The following ELAC2 variants were observed in gnomAD, a reference collection of about 807,000 sequenced individuals.
The protein encoded by ELAC2 is zinc phosphodiesterase ELAC protein 2.
In ELAC2, 92 loss-of-function variants were observed where a neutral mutation model predicts 105.2. The observed-to-expected ratio is 0.87, with a 90% confidence interval of 0.74 to 1.04. The LOEUF is 1.04. Ranked by LOEUF, ELAC2 falls within the 50% of genes least tolerant of loss-of-function variation. The pLI, the probability that ELAC2 is intolerant of heterozygous loss-of-function variation, is 0.00. For synonymous variants in ELAC2, 468 were observed against 409.1 expected, an observed-to-expected ratio of 1.14 and a Z score of -1.74; for missense variants, 1,099 against 1,071.7, an observed-to-expected ratio of 1.03 and a Z score of -0.36.
chr17:13,015,607 T>G (rs754759455), intron 4 of ELAC2, among the ~76,000 whole-genome samples, 161 bp downstream of exon 4: 2 of 152,240 alleles, frequency 1.3e-5, no homozygotes, highest in African/African-American at 4.8e-5. Flanking sequence ...CAAGGTCACA[T>G]AGTTAATCAG....
chr17:12,998,654 G>T, intron 15 of ELAC2, 146 bp from the exon 16 acceptor site: 1 of 789,614 alleles, frequency 1.3e-6, no homozygotes, highest in Middle Eastern at 3.4e-4. Flanking sequence ...GGCGGTTTTG[G>T]GAGGCGGGGC....
Position 13,002,425 on chromosome 17 carries a change from C to CG in ELAC2, c.1218+15dup. ...GACGAGAGCTGGGCCGACAAGGGGC[C>CG]GGTCTGAGACACTACCTTACAGCGG... On this transcript the variant is annotated intron_variant, in intron 13 of 23. Transcript: ENST00000338034. 1 of 1,613,660 alleles carries CG rather than the reference C, an allele frequency of 6.2e-7. No individual in the cohort carries two copies. Among genetic ancestry groups the CG allele is most frequent in the Non-Finnish European group, 8.5e-7 (1 of 1,179,822 alleles).
In ELAC2 at chr17:13,000,285, A is replaced by G; in HGVS notation, c.1305-11T>C. 1.9e-6 allele frequency: 3 copies of G among 1,612,138 alleles called. No homozygotes were observed. The highest frequency in any genetic ancestry group is 1.3e-5 in the African/African-American group (1 of 74,998). ...GTAATAATGGCATCCCTGCAGGAAGAGAGAGAAGCATCTCAGGTGACGGAC... is the reference window on the plus strand; with the variant it reads ...GTAATAATGGCATCCCTGCAGGAAGGGAGAGAAGCATCTCAGGTGACGGAC... On this transcript the variant is annotated splice_polypyrimidine_tract_variant and intron_variant, in intron 14 of 23. Transcript: ENST00000338034.
At chr17:13,000,318 A>G (rs2040717589) in intron 14 of ELAC2, 44 bp from the exon 15 acceptor site, 4 of 1,568,444 alleles carry the variant, frequency 2.6e-6, no homozygotes, top group Non-Finnish European at 3.5e-6. Context: ...GACAGGGTAT[A>G]TGGCCTCAGC....
intron 17 of ELAC2, chr17:12,996,330 G>T: frequency 1.4e-6 from 1 of 714,384 alleles, no homozygotes. Context: ...ACTCAAACCT[G>T]TCCTGCTGCA....
At position 13,002,371 on chromosome 17, in the gene ELAC2, A is replaced by G. The variant is rs777405342; in HGVS notation, c.1219-12T>C. 9.9e-6 allele frequency: 16 copies of G among 1,614,086 alleles called. No individual in the cohort carries two copies. The highest frequency in any genetic ancestry group is 1.3e-5 in the African/African-American group (1 of 74,912). The stretch of plus-strand genomic sequence containing the variant: ...GTGGGGCCCTCCTTCTGAAAGAGAC[A>G]AAACACATTCATGGAGAGAAAGAGA... On this transcript the variant is annotated splice_polypyrimidine_tract_variant and intron_variant, in intron 13 of 23. Transcript: ENST00000338034.
In ELAC2 at chr17:13,002,484, A is replaced by T; in HGVS notation, c.1175T>A (p.Ile392Asn). 1 of 1,608,592 alleles carries T rather than the reference A, an allele frequency of 6.2e-7. No homozygotes were observed. The highest frequency in any genetic ancestry group is 8.5e-7 in the Non-Finnish European group (1 of 1,177,168). The change falls in exon 13 of 24, where the codon ATC becomes AAC. Residue 392 changes from isoleucine (I) to asparagine (N), a missense_variant. Coordinates refer to ENST00000338034, the MANE Select transcript of ELAC2 (RefSeq NM_018127.7). ...GAGCAGGGGGAAGATGTCCGGGTGG[A>T]TGAGGTTGAGCTGGGTTTGAATCTT... ...SHKIQTQLNLIHPDIFPLLTS... is the reference protein window; with the variant it reads ...SHKIQTQLNLNHPDIFPLLTS...
chr17:12,994,454 C>T lies in ELAC2; in HGVS notation c.2079G>A (p.Leu693=). ...LIHEATLEDG[L]EEEAVEKTHS... Reference sequence around the variant, plus strand: ...GTGTCTTTTCCACTGCTTCCTCTTCCAAACCATCTTCCAGGGTGGCTTCAT... The same window carrying T: ...GTGTCTTTTCCACTGCTTCCTCTTCTAAACCATCTTCCAGGGTGGCTTCAT... The change falls in exon 22 of 24, where the codon TTG becomes TTA. Residue 693 remains leucine, a synonymous_variant. Transcript: ENST00000338034. The T allele has an allele frequency of 6.2e-7, 1 of 1,614,216 alleles. No individual in the cohort carries two copies. The highest frequency in any genetic ancestry group is 8.5e-7 in the Non-Finnish European group (1 of 1,180,052).
At position 12,995,991 on chromosome 17, in the gene ELAC2, C is replaced by G; in HGVS notation, c.1660-13G>C. On this transcript the variant is annotated splice_polypyrimidine_tract_variant and intron_variant, in intron 17 of 23. Coordinates refer to ENST00000338034, the MANE Select transcript of ELAC2 (RefSeq NM_018127.7). The stretch of plus-strand genomic sequence containing the variant: ...TACTTGGCAAGCCCTGGCAAGGAAA[C>G]AGGAGACATGCGTCAGCCAGGCCCC... 1 of 1,590,432 alleles carries G rather than the reference C, an allele frequency of 6.3e-7. No homozygotes were observed. The highest frequency in any genetic ancestry group is 8.6e-7 in the Non-Finnish European group (1 of 1,166,890).
chr17:12,998,487 T>C lies in ELAC2; in HGVS notation c.1445A>G (p.Glu482Gly). Residue 482 changes from glutamate to glycine, a missense_variant, in exon 16 of 24, where the codon GAA (glutamate) becomes GGA (glycine). Coordinates refer to ENST00000338034, the MANE Select transcript of ELAC2 (RefSeq NM_018127.7). The part of the protein sequence containing the change: ...APAEKRSQYP[E>G]IIFLGTGSAI... ...AGACCCTGTTCCAAGGAAGATGATT[T>C]CTGGGTACTGACTTCTTTTCTCTGT... is the stretch of plus-strand genomic sequence containing the variant. The C allele has an allele frequency of 1.2e-6, 2 of 1,614,222 alleles. No homozygotes were observed. The highest frequency in any genetic ancestry group is 1.7e-6 in the Non-Finnish European group (2 of 1,180,028).
In ELAC2 at chr17:12,994,509, G is replaced by A. The variant is rs548603402; in HGVS notation, c.2030-6C>T. 5.6e-6 allele frequency: 9 copies of A among 1,614,094 alleles called. No homozygotes were observed. The highest frequency in any genetic ancestry group is 1.7e-5 in the Admixed American group (1 of 60,012). On this transcript the variant is annotated splice_region_variant and splice_polypyrimidine_tract_variant and intron_variant, in intron 21 of 23. Coordinates refer to ENST00000338034, the MANE Select transcript of ELAC2 (RefSeq NM_018127.7). ...CAGGAGGGTGGCATCTTTCCCTGGA[G>A]AAGCAGCACAAGGATCAGGGCAGAG... is the stretch of plus-strand genomic sequence containing the variant.
Position 13,005,983 on chromosome 17 carries a change from C to G in ELAC2, c.739-4G>C, listed in dbSNP as rs201445201. 1.2e-6 allele frequency: 2 copies of G among 1,613,910 alleles called. No homozygotes were observed. Among genetic ancestry groups the G allele is most frequent in the African/African-American group, 2.7e-5 (2 of 74,966 alleles). On this transcript the variant is annotated splice_polypyrimidine_tract_variant and splice_region_variant and intron_variant, in intron 8 of 23. Transcript: ENST00000338034. The stretch of plus-strand genomic sequence containing the variant: ...AGTTTCCTCTCTTTAAGTGAAGCTG[C>G]AACAAAGAGAACATAGATGTGATCT...
intron 11 of ELAC2, 173 bp from the exon 12 acceptor site, chr17:13,003,747 C>G: frequency 1.6e-6 from 1 of 634,036 alleles, no homozygotes; most frequent in South Asian, 1.8e-5. Context: ...GACCCCGGTG[C>G]TGGGCCATTT....
chr17:13,011,871 C>T (rs1484896723), intron 6 of ELAC2, 89 bp from the exon 7 acceptor site: 7 of 1,598,200 alleles, frequency 4.4e-6, no homozygotes, highest in Middle Eastern at 1.9e-4. Flanking sequence ...AATGCCAGAA[C>T]GCCAATTAAA....
Position 12,992,527 on chromosome 17 carries a change from G to A in ELAC2, c.*291C>T, listed in dbSNP as rs538328280. ...GCTGGATTAGAGGAAAGGTGCCGCCGTCTGTTTCCAAGACTTCTTTAAAAA... is the reference window on the plus strand; with the variant it reads ...GCTGGATTAGAGGAAAGGTGCCGCCATCTGTTTCCAAGACTTCTTTAAAAA... On this transcript the variant is annotated 3_prime_UTR_variant, in exon 24 of 24. Coordinates refer to ENST00000338034, the MANE Select transcript of ELAC2 (RefSeq NM_018127.7). The A allele has an allele frequency of 4.5e-5, 22 of 492,276 alleles. No individual in the cohort carries two copies. The highest frequency in any genetic ancestry group is 3.8e-4 in the South Asian group (16 of 42,078). 30.5% of individuals were successfully genotyped at this position (492,276 alleles called of 1,614,324 possible).
Position 13,003,495 on chromosome 17 carries a change from G to A in ELAC2, c.1063C>T (p.Gln355Ter). 1 of 1,614,158 alleles carries A rather than the reference G, an allele frequency of 6.2e-7. No individual in the cohort carries two copies. Among genetic ancestry groups the A allele is most frequent in the Non-Finnish European group, 8.5e-7 (1 of 1,180,014 alleles). The change falls in exon 12 of 24, where the codon CAG becomes TAG. Residue 355 changes from glutamine (Q) to a stop codon, truncating the protein, a stop_gained. Coordinates refer to ENST00000338034, the MANE Select transcript of ELAC2 (RefSeq NM_018127.7). LOFTEE classifies it high-confidence loss of function. The part of the protein sequence containing the change: ...PASVLVDSRY[Q>*]QWMERFGPDT... ...GCTCCATACCTCTCCATCCACTGCT[G>A]GTACCTGCTGTCCACAAGCACAGAT...
rs773774115 is a variant in ELAC2, at chr17:12,993,874, C to T, written c.2109-43G>A. On this transcript the variant is annotated intron_variant, in intron 22 of 23. Transcript: ENST00000338034. ...AGCAGACTGAAGCTGAACTCAACTG[C>T]AAGACTGCAAAGCAGACAGTGGCAC... 21 of 1,613,586 alleles carry T rather than the reference C, an allele frequency of 1.3e-5. No homozygotes were observed. In the East Asian group the frequency reaches 3.8e-4, roughly 29 times the overall value.
intron 6 of ELAC2, 138 bp from the exon 7 acceptor site, chr17:13,011,920 T>A (rs2041437927): frequency 7.3e-7 from 1 of 1,361,578 alleles, no homozygotes; most frequent in African/African-American, 1.4e-5. Flanking sequence ...AATAACTAGT[T>A]AGTTAACTTC....
intron 8 of ELAC2, among the ~76,000 whole-genome samples, chr17:13,010,100 C>T (rs1165231403): frequency 6.6e-6 from 1 of 151,852 alleles, no homozygotes; most frequent in African/African-American, 2.4e-5. Flanking sequence ...AACTCTGAAA[C>T]CTACAAGTGA....
Sources: allele counts gnomAD v4.1 joint callset (sites outside exome capture counted in the v4.1 genomes callset), GRCh38; gene constraint gnomAD v4.1.1; transcripts MANE v1.5; gene names NCBI Gene and HGNC (gene_info 2026-07-23, HGNC 2026-07-21).